KEAP1: variants seen among roughly 807,000 people sequenced by gnomAD.
KEAP1 encodes the protein kelch like ECH associated protein 1, also known as kelch-like ECH-associated protein 1.
Under a neutral mutation model 59.7 loss-of-function variants are expected in KEAP1, and 26 were observed. The ratio of observed to expected loss-of-function variants is 0.44; its 90% CI spans 0.32 to 0.60. KEAP1 has a LOEUF of 0.60. KEAP1 is among the 20% of genes least tolerant of loss of function. The pLI is 0.06. For synonymous variants in KEAP1, 350 were observed against 358.3 expected (o/e 0.98, Z 0.26); for missense variants, 539 against 871.4 (o/e 0.62, Z 4.80).
chr19:10,492,533 T>A (rs1914710174), intron 2 of KEAP1: 1 of 428,962 alleles, frequency 2.3e-6, no homozygotes, highest in Non-Finnish European at 4.3e-6. Context: ...GCCTGGCCAA[T>A]ATGGTGAAAC....
At chr19:10,501,115 G>C (rs189703936) in intron 1 of KEAP1, among the ~76,000 whole-genome samples, 1 of 152,182 alleles carries the variant, frequency 6.6e-6, no homozygotes, top group Admixed American at 6.6e-5. Context: ...AGTAAGTGCA[G>C]TGGCTCAGAG....
At position 10,486,789 on chromosome 19, in the gene KEAP1, T is replaced by G. The variant is rs1914475580; in HGVS notation, c.1738A>C (p.Ser580Arg). ...GGYDGHTFLD[S>R]VECYDPDTDT... is the part of the protein sequence containing the mutation. The stretch of plus-strand genomic sequence containing the variant: ...GTATCTGGGTCGTAACACTCCACAC[T>G]GTCCAGGAACGTGTGACCATCATAG... Residue 580 changes from serine to arginine, a missense_variant, in exon 6 of 6, where the codon AGT becomes CGT. By Grantham distance (110) the Ser-to-Arg change is moderately radical. Coordinates refer to ENST00000171111, the MANE Select transcript of KEAP1 (RefSeq NM_203500.2). 3 of 1,613,912 alleles carry G rather than the reference T, an allele frequency of 1.9e-6. No homozygotes were observed. The highest frequency in any genetic ancestry group is 2.5e-6 in the Non-Finnish European group (3 of 1,179,922).
At position 10,491,454 on chromosome 19, in the gene KEAP1, G is replaced by A; in HGVS notation, c.1325+123C>T. 1 of 771,138 alleles carries A rather than the reference G, an allele frequency of 1.3e-6. No individual in the cohort carries two copies. Among genetic ancestry groups the A allele is most frequent in the Non-Finnish European group, 1.9e-6 (1 of 525,546 alleles). The allele number at this position is 771,138 out of a possible 1,614,324, so 47.8% of individuals were successfully genotyped here. On this transcript the variant is annotated intron_variant, in intron 3 of 5. Transcript: ENST00000171111. This position sits in a 1 kb window ranked among gnomAD's most constrained non-coding sequence, Gnocchi z 5.2. ...TCTCCAAGGAGCTTAGCTTCATCCT[G>A]AGGCCTCCACTCCCTGAAGACAGGA...
At chr19:10,489,160 G>C (rs11878494) in intron 5 of KEAP1, 32 bp downstream of exon 5, 112,248 of 1,511,198 alleles carry the variant, frequency 0.074, 4,464 homozygotes, top group African/African-American at 0.12. Context: ...AGATGGGCTA[G>C]TCAGGACTCT....
At position 10,491,505 on chromosome 19, in the gene KEAP1, C is replaced by T; in HGVS notation, c.1325+72G>A. The T allele has an allele frequency of 7.6e-7, 1 of 1,315,344 alleles. No homozygotes were observed. The highest frequency in any genetic ancestry group is 1.0e-6 in the Non-Finnish European group (1 of 985,460). The allele number at this position is 1,315,344 out of a possible 1,614,324, so 81.5% of individuals were successfully genotyped here. ...AGAGGAAACAGCCTCAGGAAGAATA[C>T]CCGGATCTCAGTGTCTTGGGACTTG... On this transcript the variant is annotated intron_variant, in intron 3 of 5. Transcript: ENST00000171111. This position sits in a 1 kb window ranked among gnomAD's most constrained non-coding sequence, Gnocchi z 5.2.
At position 10,499,349 on chromosome 19, in the gene KEAP1, C is replaced by T. The variant is rs761627732; in HGVS notation, c.639+46G>A. On this transcript the variant is annotated intron_variant, in intron 2 of 5. Coordinates refer to ENST00000171111, the MANE Select transcript of KEAP1 (RefSeq NM_203500.2). This position sits in a 1 kb window ranked among gnomAD's most constrained non-coding sequence, Gnocchi z 6.7. ...GACAGTGATGAGCACTCGTCCATCC[C>T]TGGTCCTTCTCCTGACACTGCCCCC... 3.7e-5 allele frequency: 55 copies of T among 1,489,926 alleles called. 1 individual carries two copies. Among genetic ancestry groups the T allele is most frequent in the East Asian group, 7.3e-5 (3 of 41,346 alleles). The allele number at this position is 1,489,926 out of a possible 1,614,324, so 92.3% of individuals were successfully genotyped here.
intron 5 of KEAP1, 50 bp downstream of exon 5, chr19:10,489,142 T>G (rs2144585471): frequency 5.9e-6 from 6 of 1,010,758 alleles, no homozygotes; most frequent in South Asian, 1.8e-5. Context: ...GCAAAAGCAG[T>G]CCACAAAAGA....
At chr19:10,487,036 TAAAAAAAAAA>T (rs35072591) in intron 5 of KEAP1, among the ~76,000 whole-genome samples, 1 of 92,016 alleles carries the variant, frequency 1.1e-5, no homozygotes, top group Admixed American at 1.2e-4. Context: ...AGTCTCTTAC[TAAAAAAAAAA>T]AAAAAAAAAA....
intron 5 of KEAP1, 84 bp downstream of exon 5, chr19:10,489,094 TAAAAAAAAAAAAAA>T: frequency 1.4e-5 from 6 of 424,268 alleles, no homozygotes; most frequent in South Asian, 3.0e-5. Flanking sequence ...ACCTTGTTTC[TAAAAAAAAAAAAAA>T]AAAAAAAAAA....
chr19:10,492,551 C>T (rs1914710832), intron 2 of KEAP1: 2 of 356,938 alleles, frequency 5.6e-6, no homozygotes, highest in Non-Finnish European at 1.0e-5. Flanking sequence ...AACCCCATCT[C>T]TACTAAAAAT....
At chr19:10,495,800 C>T (rs1470121850) in intron 2 of KEAP1, among the ~76,000 whole-genome samples, 2 of 152,080 alleles carry the variant, frequency 1.3e-5, no homozygotes, top group African/African-American at 4.8e-5. Flanking sequence ...TGAAATGCTC[C>T]ATGTCTTGGT....
chr19:10,491,440 C>T lies in KEAP1; in HGVS notation c.1325+137G>A, dbSNP rs1914662950. The T allele has an allele frequency of 1.5e-6, 1 of 674,698 alleles. No individual in the cohort carries two copies. 41.8% of individuals were successfully genotyped at this position (674,698 alleles called of 1,614,324 possible). A position where few individuals can be genotyped will look rare whatever the true frequency, so the allele number is the denominator to read the frequency against. On this transcript the variant is annotated intron_variant, in intron 3 of 5. Transcript: ENST00000171111. This position sits in a 1 kb window ranked among gnomAD's most constrained non-coding sequence, Gnocchi z 5.2. ...TCACTGACTAGAACTCTCCAAGGAG[C>T]TTAGCTTCATCCTGAGGCCTCCACT... is the stretch of plus-strand genomic sequence containing the variant.
In KEAP1 at chr19:10,489,283, C is replaced by T. The variant is rs942967458; in HGVS notation, c.1617G>A (p.Val539=). ...CTACGAAAGTCCACGTCTCTGTTTC[C>T]ACATCGTAGCGCTCCACGCTGTTCA... ...DQLNSVERYD[V]ETETWTFVAP... The change falls in exon 5 of 6, where the codon GTG becomes GTA. Residue 539 remains valine (V), a synonymous_variant. Coordinates refer to ENST00000171111, the MANE Select transcript of KEAP1 (RefSeq NM_203500.2). 1 of 1,613,974 alleles carries T rather than the reference C, an allele frequency of 6.2e-7. No homozygotes were observed. The highest frequency in any genetic ancestry group is 1.1e-5 in the South Asian group (1 of 91,064).
At position 10,486,596 on chromosome 19, in the gene KEAP1, C is replaced by T; in HGVS notation, c.*56G>A. The T allele has an allele frequency of 6.5e-7, 1 of 1,535,382 alleles. No homozygotes were observed. On this transcript the variant is annotated 3_prime_UTR_variant, in exon 6 of 6. Coordinates refer to ENST00000171111, the MANE Select transcript of KEAP1 (RefSeq NM_203500.2). ...TTTTCTTTTAGTCCCGGTTTTTGTA[C>T]AAAAACAATGATACTCCCCATTGGA...
chr19:10,501,158 A>C (rs1221625926), intron 1 of KEAP1, among the ~76,000 whole-genome samples: 1 of 152,118 alleles, frequency 6.6e-6, no homozygotes, highest in African/African-American at 2.4e-5. Context: ...ATTGGGAAGG[A>C]GTGCAGTGAG....
chr19:10,487,415 G>A (rs556552019), intron 5 of KEAP1, among the ~76,000 whole-genome samples: 1 of 152,184 alleles, frequency 6.6e-6, no homozygotes, highest in African/African-American at 2.4e-5. Context: ...CCAGCACTTT[G>A]GGAGGCCGAG....
rs1915081644 is a variant in KEAP1 at position 10,502,599 on chromosome 19, C to T, written c.-48+642G>A. On this transcript the variant is annotated intron_variant, in intron 1 of 5. Coordinates refer to ENST00000171111, the MANE Select transcript of KEAP1 (RefSeq NM_203500.2). The surrounding 1 kb of genome is among the most constrained non-coding windows in gnomAD (Gnocchi z 4.0). ...TCCTGGCGGGGAACTCGGAGGCGCC[C>T]TGGGCCGTGGCGCCCGTTTTCCTGG... 6.6e-6 allele frequency: 1 copy of T among 152,218 alleles called. No homozygotes were observed. The highest frequency in any genetic ancestry group is 6.5e-5 in the Admixed American group (1 of 15,288). 9.4% of individuals were successfully genotyped at this position (152,218 alleles called of 1,614,324 possible). A position where few individuals can be genotyped will look rare whatever the true frequency, so the allele number is the denominator to read the frequency against.
In KEAP1 at chr19:10,496,006, G is replaced by C. The variant is rs958485457; in HGVS notation, c.639+3389C>G. ...TTAAGACCAGCCTGGGCAACATAGC[G>C]AGACCTCATCTCTACCAAGAAAAGA... On this transcript the variant is annotated intron_variant, in intron 2 of 5. Coordinates refer to ENST00000171111, the MANE Select transcript of KEAP1 (RefSeq NM_203500.2). 8.6e-5 allele frequency among the ~76,000 whole-genome samples: 13 copies of C among 151,746 alleles called. No individual in the cohort carries two copies. In the Admixed American group the frequency reaches 8.6e-4, roughly 10 times the overall value.
At chr19:10,486,882 AAG>A (rs112449820) in intron 5 of KEAP1, 64 bp from the exon 6 acceptor site, 10 of 1,533,474 alleles carry the variant, frequency 6.5e-6, no homozygotes, top group South Asian at 2.4e-5. Context: ...AGGGGACAGA[AAG>A]AGAGAGATGC....
Sources: allele counts gnomAD v4.1 joint callset (sites outside exome capture counted in the v4.1 genomes callset), GRCh38; gene constraint gnomAD v4.1.1; non-coding constraint Gnocchi (gnomAD v3.1); transcripts MANE v1.5; gene names NCBI Gene and HGNC (gene_info 2026-07-23, HGNC 2026-07-21).